The following CPA6 variants were observed in gnomAD, a reference collection of about 807,000 sequenced individuals.
The protein encoded by CPA6 is carboxypeptidase A6.
In CPA6, 58 loss-of-function variants were observed where a neutral mutation model predicts 63.3. The observed-to-expected ratio is 0.92, with a 90% confidence interval of 0.74 to 1.14. The LOEUF (loss-of-function observed/expected upper bound fraction) is 1.14. Ranked by LOEUF, CPA6 falls within the 50% of genes most tolerant of loss-of-function variation. The pLI is 0.00. For synonymous variants in CPA6, 185 were observed against 179.0 expected (o/e 1.03, Z -0.27); for missense variants, 565 against 526.6 (o/e 1.07, Z -0.71).
chr8:67,481,137 A>T (rs956131956), intron 8 of CPA6, among the ~76,000 whole-genome samples: 23 of 152,248 alleles, frequency 1.5e-4, no homozygotes, highest in Admixed American at 1.3e-4. Flanking sequence ...TATTTAGGCA[A>T]CACTTGAATT....
At chr8:67,536,734 T>C (rs1271743826) in intron 2 of CPA6, among the ~76,000 whole-genome samples, 6 of 152,322 alleles carry the variant, frequency 3.9e-5, no homozygotes, top group African/African-American at 1.4e-4. Context: ...CAATACTATG[T>C]TGAATAGGAT....
intron 8 of CPA6, among the ~76,000 whole-genome samples, chr8:67,444,520 A>C (rs1284376192): frequency 6.6e-6 from 1 of 151,852 alleles, no homozygotes; most frequent in Non-Finnish European, 1.5e-5. Flanking sequence ...GCAGTGGCTC[A>C]TGCCTGTAAT....
chr8:67,697,541 C>G (rs1484915213), intron 1 of CPA6, among the ~76,000 whole-genome samples: 1 of 152,186 alleles, frequency 6.6e-6, no homozygotes, highest in Non-Finnish European at 1.5e-5. Context: ...TATAAAGGAC[C>G]TGTGCCTTAG....
chr8:67,736,143 A>G (rs1005202232), intron 1 of CPA6, among the ~76,000 whole-genome samples: 6 of 152,124 alleles, frequency 3.9e-5, no homozygotes, highest in African/African-American at 1.2e-4. Flanking sequence ...GTCTCTGTGG[A>G]GACCTGACTC....
chr8:67,725,074 G>C (rs1317266413), intron 1 of CPA6, among the ~76,000 whole-genome samples: 1 of 152,204 alleles, frequency 6.6e-6, no homozygotes, highest in Non-Finnish European at 1.5e-5. Context: ...GTGAAAACAA[G>C]GATCATGTCC....
intron 2 of CPA6, among the ~76,000 whole-genome samples, chr8:67,561,417 C>T (rs778409879): frequency 8.5e-5 from 13 of 152,116 alleles, no homozygotes; most frequent in South Asian, 2.1e-4. Context: ...TGATTGGATA[C>T]GATGAAAACA....
chr8:67,719,585 C>G (rs113390292), intron 1 of CPA6, among the ~76,000 whole-genome samples: 1 of 152,070 alleles, frequency 6.6e-6, no homozygotes, highest in Non-Finnish European at 1.5e-5. Context: ...CAAAAAGGCA[C>G]TTTCGGAAGA....
chr8:67,446,551 G>A (rs997292846), intron 8 of CPA6, among the ~76,000 whole-genome samples: 6 of 152,108 alleles, frequency 3.9e-5, no homozygotes, highest in African/African-American at 1.2e-4. Context: ...AGGAAAATAA[G>A]TAAAAACAGA....
At position 67,573,784 on chromosome 8, in the gene CPA6, C is replaced by T. The variant is rs1486956293; in HGVS notation, c.192+50392G>A. Among the ~76,000 whole-genome samples the T allele has an allele frequency of 4.8e-5, 7 of 146,228 alleles. No individual in the cohort carries two copies. In the East Asian group the frequency reaches 1.1e-3, roughly 22 times the overall value. On this transcript the variant is annotated intron_variant, in intron 2 of 10. Transcript: ENST00000297770. ...GTGGGCACCTGTAGTCCCAGCTACT[C>T]GGGAGGCTGAGGCAGGAGAATGGCA...
At chr8:67,605,927 AG>A (rs2128984056) in intron 2 of CPA6, among the ~76,000 whole-genome samples, 2 of 152,120 alleles carry the variant, frequency 1.3e-5, no homozygotes, top group East Asian at 3.9e-4. Flanking sequence ...CTTGGACCAT[AG>A]GGGGAACTCA....
At chr8:67,475,846 TC>T (rs1204814953) in intron 8 of CPA6, among the ~76,000 whole-genome samples, 2 of 97,204 alleles carry the variant, frequency 2.1e-5, no homozygotes, top group South Asian at 3.7e-4. Context: ...TTTCTTTCTT[TC>T]TTTCTTTCTT....
At chr8:67,684,043 A>T (rs1373640636) in intron 1 of CPA6, among the ~76,000 whole-genome samples, 13 of 130,094 alleles carry the variant, frequency 1.0e-4, no homozygotes, top group East Asian at 6.5e-4. Context: ...TTTTTATTTT[A>T]TTTATTTATT....
At chr8:67,556,144 A>G (rs1303638507) in intron 2 of CPA6, among the ~76,000 whole-genome samples, 1 of 152,246 alleles carries the variant, frequency 6.6e-6, no homozygotes, top group African/African-American at 2.4e-5. Flanking sequence ...ACTTGGTTTC[A>G]TAACATGACC....
intron 2 of CPA6, among the ~76,000 whole-genome samples, chr8:67,611,999 T>C (rs1290391146): frequency 6.6e-6 from 1 of 152,220 alleles, no homozygotes; most frequent in Non-Finnish European, 1.5e-5. Context: ...TTTTAGTAAT[T>C]AGTTGTCATT....
In CPA6 at chr8:67,589,987, C is replaced by A. The variant is rs1587605531; in HGVS notation, c.192+34189G>T. Reference sequence around the variant, plus strand: ...ATGTGCCATGCTGGTGTGCTGCACCCATTAACTCATCATTTAGCATTAGGT... The same window carrying A: ...ATGTGCCATGCTGGTGTGCTGCACCAATTAACTCATCATTTAGCATTAGGT... On this transcript the variant is annotated intron_variant, in intron 2 of 10. Transcript: ENST00000297770. Among the ~76,000 whole-genome samples, 4 of 151,888 alleles carry A rather than the reference C, an allele frequency of 2.6e-5. No individual in the cohort carries two copies. In the South Asian group the frequency reaches 8.3e-4, roughly 32 times the overall value.
rs902627944 is a variant in CPA6, at chr8:67,566,001, C to T, written c.193-47954G>A. 2.3e-4 allele frequency among the ~76,000 whole-genome samples: 35 copies of T among 152,132 alleles called. 1 individual carries two copies. Among genetic ancestry groups the T allele is most frequent in the Non-Finnish European group, 1.5e-5 (1 of 68,010 alleles). The stretch of plus-strand genomic sequence containing the variant: ...AGAGAATTTCACTCCTAAATGGTTA[C>T]AGCTGATTCATGATTTTCATTTCTT... On this transcript the variant is annotated intron_variant, in intron 2 of 10. Transcript: ENST00000297770.
chr8:67,742,307 C>T lies in CPA6; in HGVS notation c.116+3707G>A, dbSNP rs556409877. On this transcript the variant is annotated intron_variant, in intron 1 of 10. Transcript: ENST00000297770. ...AATTTTACCTATATAATCTCTTTTC[C>T]TTTATTGTTCTGAAACTATCAGTTC... is the stretch of plus-strand genomic sequence containing the variant. Among the ~76,000 whole-genome samples the T allele has an allele frequency of 2.0e-5, 3 of 152,168 alleles. No individual in the cohort carries two copies. The East Asian group carries it at 5.8e-4, about 29-fold the overall frequency.
At chr8:67,552,050 C>T (rs759641250) in intron 2 of CPA6, among the ~76,000 whole-genome samples, 6 of 152,182 alleles carry the variant, frequency 3.9e-5, no homozygotes, top group Non-Finnish European at 8.8e-5. Flanking sequence ...ACTTTATGCA[C>T]AATATGTAAA....
At chr8:67,691,617 T>C (rs1321298229) in intron 1 of CPA6, among the ~76,000 whole-genome samples, 1 of 152,230 alleles carries the variant, frequency 6.6e-6, no homozygotes, top group Non-Finnish European at 1.5e-5. Flanking sequence ...ATGCTTTTAA[T>C]GCTCCTCATA....
Sources: allele counts gnomAD v4.1 joint callset (sites outside exome capture counted in the v4.1 genomes callset), GRCh38; gene constraint gnomAD v4.1.1; transcripts MANE v1.5; gene names NCBI Gene and HGNC (gene_info 2026-07-23, HGNC 2026-07-21).